CD59: variants seen among roughly 807,000 people sequenced by gnomAD.
CD59 encodes the protein CD59 molecule (CD59 blood group).
A neutral mutation model predicts 7.0 loss-of-function variants in CD59; 3 were observed. The observed-to-expected ratio is 0.43, with a 90% confidence interval of 0.19 to 1.10. The LOEUF (loss-of-function observed/expected upper bound fraction) is 1.10. CD59 is among the 50% of genes least tolerant of loss of function. The pLI is 0.29. For missense variants in CD59, 143 were observed against 151.0 expected (o/e 0.95, Z 0.28); for synonymous variants, 60 against 62.0 (o/e 0.97, Z 0.15).
At chr11:33,720,992 C>T (rs897724577) in intron 2 of CD59, among the ~76,000 whole-genome samples, 22 of 152,078 alleles carry the variant, frequency 1.4e-4, no homozygotes, top group African/African-American at 5.1e-4. Context: ...GCTGATGGTC[C>T]CAAGCTTGCT....
intron 3 of CD59, chr11:33,711,549 C>A: frequency 1.6e-6 from 1 of 608,890 alleles, no homozygotes; most frequent in Non-Finnish European, 2.9e-6. Context: ...CAGGGTGTTG[C>A]GCCTTTAGTC....
Position 33,709,934 on chromosome 11 carries a change from G to C in CD59, c.*192C>G. ...ACTCTTAGACTTCTTCCTTCAAGTG[G>C]GGCTTCCCTGCAAACAGGACTGGTC... On this transcript the variant is annotated 3_prime_UTR_variant, in exon 4 of 4. Transcript: ENST00000642928. 1.6e-6 allele frequency: 1 copy of C among 638,266 alleles called. No individual in the cohort carries two copies. The highest frequency in any genetic ancestry group is 2.8e-6 in the Non-Finnish European group (1 of 359,296). The allele number at this position is 638,266 out of a possible 1,614,324, so 39.5% of individuals were successfully genotyped here. A position where few individuals can be genotyped will look rare whatever the true frequency, so the allele number is the denominator to read the frequency against.
chr11:33,714,883 G>C (rs1445910205), intron 3 of CD59, among the ~76,000 whole-genome samples: 1 of 151,538 alleles, frequency 6.6e-6, no homozygotes, highest in African/African-American at 2.4e-5. Context: ...CCTGTCCTAG[G>C]AGAGCAATGC....
intron 1 of CD59, among the ~76,000 whole-genome samples, chr11:33,732,933 G>GA (rs1375399214): frequency 6.6e-6 from 1 of 152,172 alleles, no homozygotes; most frequent in Non-Finnish European, 1.5e-5. Context: ...AGGGGTCATT[G>GA]AAAGAGGAAG....
intron 1 of CD59, among the ~76,000 whole-genome samples, chr11:33,729,909 A>ACAGGT (rs1444121008): frequency 6.6e-6 from 1 of 152,168 alleles, no homozygotes; most frequent in Non-Finnish European, 1.5e-5. Flanking sequence ...CTTGAACAAC[A>ACAGGT]CAGGTTTGAA....
chr11:33,717,279 G>T, intron 3 of CD59, 91 bp downstream of exon 3: 1 of 757,218 alleles, frequency 1.3e-6, no homozygotes, highest in Non-Finnish European at 2.4e-6. Context: ...ATTACTTGAT[G>T]CAAGCCTAAT....
chr11:33,710,184 T>C lies in CD59; in HGVS notation c.329A>G (p.Lys110Arg). The C allele has an allele frequency of 1.2e-6, 2 of 1,614,130 alleles. No individual in the cohort carries two copies. Among genetic ancestry groups the C allele is most frequent in the Non-Finnish European group, 8.5e-7 (1 of 1,180,006 alleles). The change falls in exon 4 of 4, where the codon AAA (lysine) becomes AGA (arginine). Residue 110 changes from lysine to arginine, a missense_variant. Coordinates refer to ENST00000642928, the MANE Select transcript of CD59 (RefSeq NM_000611.6). ...TGGAGTCACCAGCAGAAGAACTGTT[T>C]TCTCTGATAAGGATGTCCCACCATT... Reference protein sequence around the residue: ...LENGGTSLSEKTVLLLVTPFL... With the variant: ...LENGGTSLSERTVLLLVTPFL...
At chr11:33,722,764 G>A in intron 1 of CD59, 5 of 1,113,488 alleles carry the variant, frequency 4.5e-6, no homozygotes, top group Admixed American at 3.6e-5. Context: ...AGCCACTGTG[G>A]TTCCCACTCT....
At chr11:33,710,901 A>G (rs548001742) in intron 3 of CD59, among the ~76,000 whole-genome samples, 1 of 151,786 alleles carries the variant, frequency 6.6e-6, no homozygotes, top group Non-Finnish European at 1.5e-5. Context: ...TCAGAAAAAA[A>G]CCTGAAAAAC....
chr11:33,716,123 G>A (rs7131663), intron 3 of CD59, among the ~76,000 whole-genome samples: 1 of 151,966 alleles, frequency 6.6e-6, no homozygotes, highest in Non-Finnish European at 1.5e-5. Context: ...AGGGACTGGT[G>A]CCCTACAGAA....
At chr11:33,710,717 T>C (rs892624584) in intron 3 of CD59, among the ~76,000 whole-genome samples, 11 of 148,000 alleles carry the variant, frequency 7.4e-5, no homozygotes, top group Non-Finnish European at 1.5e-4. Context: ...TTTTTCCTTT[T>C]CTTTTCTTTT....
At chr11:33,734,449 T>C (rs1296048750) in intron 1 of CD59, among the ~76,000 whole-genome samples, 13 of 152,250 alleles carry the variant, frequency 8.5e-5, no homozygotes, top group Admixed American at 8.5e-4. Context: ...ATTAGCTGTT[T>C]TTCCTAATGC....
rs1590512758 is a variant in CD59 at position 33,710,029 on chromosome 11, A to G, written c.*97T>C. ...GCTAATTTTATTCTTTCCCAACAGGATCCATTTGGAAAATATCAAGCCTTT... is the reference window on the plus strand; with the variant it reads ...GCTAATTTTATTCTTTCCCAACAGGGTCCATTTGGAAAATATCAAGCCTTT... On this transcript the variant is annotated 3_prime_UTR_variant, in exon 4 of 4. Coordinates refer to ENST00000642928, the MANE Select transcript of CD59 (RefSeq NM_000611.6). 1.0e-6 allele frequency: 1 copy of G among 978,216 alleles called. No individual in the cohort carries two copies. Among genetic ancestry groups the G allele is most frequent in the Non-Finnish European group, 1.6e-6 (1 of 626,294 alleles). The allele number at this position is 978,216 out of a possible 1,614,324, so 60.6% of individuals were successfully genotyped here. A position where few individuals can be genotyped will look rare whatever the true frequency, so the allele number is the denominator to read the frequency against.
rs1853327405 is a variant in CD59 at position 33,706,771 on chromosome 11, T to C, written c.*3355A>G. On this transcript the variant is annotated 3_prime_UTR_variant, in exon 4 of 4. Coordinates refer to ENST00000642928, the MANE Select transcript of CD59 (RefSeq NM_000611.6). ...GCCTAACTACGTCCTGTTCACCTCA[T>C]GCTATTGGGTAACTTTCCAGTAAAA... 6.6e-6 allele frequency: 1 copy of C among 152,238 alleles called. No individual in the cohort carries two copies. The highest frequency in any genetic ancestry group is 2.1e-4 in the South Asian group (1 of 4,832). 9.4% of individuals were successfully genotyped at this position (152,238 alleles called of 1,614,324 possible).
chr11:33,721,205 G>A (rs1213437916), intron 2 of CD59, among the ~76,000 whole-genome samples: 1 of 152,186 alleles, frequency 6.6e-6, no homozygotes, highest in African/African-American at 2.4e-5. Context: ...CACGGAAGGT[G>A]GGGAAGAAGG....
intron 1 of CD59, 68 bp from the exon 2 acceptor site, chr11:33,722,531 G>A: frequency 4.4e-6 from 7 of 1,591,958 alleles, no homozygotes; most frequent in Non-Finnish European, 4.3e-6. Flanking sequence ...CAAAAACCAA[G>A]GGCTGGAAGG....
At chr11:33,711,384 C>T in intron 3 of CD59, 2 of 700,770 alleles carry the variant, frequency 2.9e-6, no homozygotes, top group South Asian at 3.0e-5. Flanking sequence ...AAAGACTAAC[C>T]CAATTAAAAT....
Position 33,710,267 on chromosome 11 carries a change from A to G in CD59, c.246T>C (p.Asn82=), listed in dbSNP as rs1211418416. The G allele has an allele frequency of 2.5e-6, 4 of 1,612,990 alleles. No homozygotes were observed. In the Admixed American group the frequency reaches 6.7e-5, roughly 27 times the overall value. The part of the protein sequence containing the change: ...FNDVTTRLRE[N]ELTYYCCKKD... ...TCTTGCAGCAGTAGTACGTTAGCTC[A>G]TTTTCCCTCAAGCGGGTTGTGACGT... Residue 82 remains asparagine, a synonymous_variant, in exon 4 of 4, where the codon AAT becomes AAC. Coordinates refer to ENST00000642928, the MANE Select transcript of CD59 (RefSeq NM_000611.6).
chr11:33,719,128 C>G (rs1454323306), intron 2 of CD59: 1 of 152,160 alleles, frequency 6.6e-6, no homozygotes, highest in East Asian at 1.9e-4. Flanking sequence ...GGTTTATCAC[C>G]ATGGAAATAG....
Sources: gnomAD v4.1 joint callset for allele counts (sites outside exome capture counted in the v4.1 genomes callset) on GRCh38, gnomAD v4.1.1 for gene constraint, MANE v1.5 for transcripts, NCBI Gene and HGNC (gene_info 2026-07-23, HGNC 2026-07-21) for gene names.